The following CTNNA2 variants were observed in gnomAD, a reference collection of about 807,000 sequenced individuals.
CTNNA2 encodes catenin alpha-2.
A neutral mutation model predicts 101.0 loss-of-function variants in CTNNA2; 42 were observed. That is an observed-to-expected ratio of 0.42 (90% confidence interval 0.32 to 0.54). The LOEUF is 0.54. CTNNA2 is among the 20% of genes least tolerant of loss of function. The probability of loss-of-function intolerance (pLI) is 0.14; values close to 1 mark genes in which losing one functional copy is unlikely to be tolerated. For missense variants in CTNNA2, 871 were observed against 1,223.1 expected (o/e 0.71, Z 4.29); for synonymous variants, 450 against 456.4 (o/e 0.99, Z 0.18).
At chr2:79,783,610 T>G (rs7585209) in intron 3 of CTNNA2, among the ~76,000 whole-genome samples, 8,041 of 152,254 alleles carry the variant, frequency 0.053, 702 homozygotes, top group African/African-American at 0.18. Context: ...TCACTCTGTC[T>G]TAATTTTTAC....
chr2:79,427,145 G>A (rs1465430102), intron 4 of CTNNA2, among the ~76,000 whole-genome samples: 1 of 151,840 alleles, frequency 6.6e-6, no homozygotes, highest in African/African-American at 2.4e-5. Context: ...CCTGCTATAA[G>A]CAAATGAACA....
chr2:79,482,252 C>G (rs1156675477), intron 4 of CTNNA2, among the ~76,000 whole-genome samples: 4 of 152,152 alleles, frequency 2.6e-5, no homozygotes, highest in Non-Finnish European at 4.4e-5. Context: ...CATCAAGGGT[C>G]TCAAAGGATT....
rs79147045 is a variant in CTNNA2, at chr2:79,474,535, A to G, written c.-134-30519A>G. On this transcript the variant is annotated intron_variant, in intron 4 of 21. Transcript: ENST00000466387. ...AAGGGCCACAGAAATTTACACCACA[A>G]GGTAAAATTTACTGTACTTTAATTA... Among the ~76,000 whole-genome samples, 45 of 152,316 alleles carry G rather than the reference A, an allele frequency of 3.0e-4. 1 individual carries two copies. The East Asian group carries it at 7.7e-3, about 26-fold the overall frequency.
intron 3 of CTNNA2, among the ~76,000 whole-genome samples, chr2:79,328,916 ATAATTCCTTGGC>A (rs1369624514): frequency 6.6e-6 from 1 of 152,118 alleles, no homozygotes; most frequent in Non-Finnish European, 1.5e-5. Context: ...GTGCTTGCTG[ATAATTCCTTGGC>A]TTGTGACAAC....
At chr2:80,025,316 C>A (rs1291308245) in intron 7 of CTNNA2, among the ~76,000 whole-genome samples, 1 of 152,192 alleles carries the variant, frequency 6.6e-6, no homozygotes, top group Non-Finnish European at 1.5e-5. Flanking sequence ...CCCTCTTCTA[C>A]CCAGCATTCC....
chr2:79,581,279 A>G (rs550760727), intron 1 of CTNNA2, among the ~76,000 whole-genome samples: 1 of 152,308 alleles, frequency 6.6e-6, no homozygotes, highest in South Asian at 2.1e-4. Context: ...TAATCCCAGC[A>G]CTTTGGGAGG....
intron 4 of CTNNA2, among the ~76,000 whole-genome samples, chr2:79,466,731 T>C (rs553233121): frequency 6.6e-6 from 1 of 152,336 alleles, no homozygotes; most frequent in Non-Finnish European, 1.5e-5. Context: ...ATATTCACTG[T>C]ACTGCAGCCT....
chr2:79,380,189 C>G (rs1418036991), intron 4 of CTNNA2, among the ~76,000 whole-genome samples: 1 of 151,706 alleles, frequency 6.6e-6, no homozygotes, highest in Non-Finnish European at 1.5e-5. Flanking sequence ...GCCTCAGAGT[C>G]TTGTTTAGAG....
intron 18 of CTNNA2, among the ~76,000 whole-genome samples, chr2:80,636,935 A>G (rs1448527332): frequency 6.6e-6 from 1 of 152,188 alleles, no homozygotes; most frequent in East Asian, 1.9e-4. Context: ...CAGTAGTGCT[A>G]GAAAAGATAC....
chr2:80,570,176 G>A (rs1306232653), intron 12 of CTNNA2, among the ~76,000 whole-genome samples: 3 of 152,082 alleles, frequency 2.0e-5, no homozygotes, highest in Non-Finnish European at 4.4e-5. Context: ...AGCCTCTCGA[G>A]TAGCTGGGAT....
chr2:80,077,191 G>C (rs1386525830), intron 7 of CTNNA2, among the ~76,000 whole-genome samples: 1 of 152,092 alleles, frequency 6.6e-6, no homozygotes, highest in Non-Finnish European at 1.5e-5. Context: ...AACCTTCTTG[G>C]AAAACAGTTT....
intron 2 of CTNNA2, among the ~76,000 whole-genome samples, chr2:79,706,343 A>G (rs1249465943): frequency 7.6e-6 from 1 of 131,206 alleles, no homozygotes; most frequent in Non-Finnish European, 1.5e-5. Flanking sequence ...GCCCTGGGCG[A>G]CAGAGCGAGA....
At chr2:80,024,960 A>C (rs1484468) in intron 7 of CTNNA2, among the ~76,000 whole-genome samples, 9,033 of 152,158 alleles carry the variant, frequency 0.059, 780 homozygotes, top group African/African-American at 0.19. Context: ...TGGGTCTCAG[A>C]GGGAAGGGGA....
chr2:79,579,599 C>T (rs1316947566), intron 1 of CTNNA2, among the ~76,000 whole-genome samples: 1 of 152,002 alleles, frequency 6.6e-6, no homozygotes, highest in African/African-American at 2.4e-5. Context: ...TGCTCTTAAG[C>T]ACAAGTAAAG....
chr2:80,599,336 G>C (rs141716800), intron 15 of CTNNA2, among the ~76,000 whole-genome samples: 1 of 152,234 alleles, frequency 6.6e-6, no homozygotes, highest in Non-Finnish European at 1.5e-5. Flanking sequence ...ATGTCTGAAG[G>C]AGCTTTAGAA....
intron 2 of CTNNA2, among the ~76,000 whole-genome samples, chr2:79,222,149 CACCAGG>C (rs2104222921): frequency 6.6e-6 from 1 of 152,302 alleles, no homozygotes; most frequent in African/African-American, 2.4e-5. Flanking sequence ...TTAGACCCAG[CACCAGG>C]ACCAGGATTA....
At chr2:79,370,926 C>A (rs1443519456) in intron 3 of CTNNA2, among the ~76,000 whole-genome samples, 8 of 152,128 alleles carry the variant, frequency 5.3e-5, no homozygotes. Flanking sequence ...TCCCTGAGTG[C>A]CTCAACTCCA....
intron 7 of CTNNA2, among the ~76,000 whole-genome samples, chr2:80,075,598 A>ATTTTTAT (rs1558783298): frequency 1.4e-5 from 1 of 74,004 alleles, no homozygotes; most frequent in Admixed American, 1.4e-4. Context: ...GTATAAATAT[A>ATTTTTAT]AATATTTATA....
At chr2:79,597,554 A>T (rs113512729) in intron 1 of CTNNA2, among the ~76,000 whole-genome samples, 343 of 152,202 alleles carry the variant, frequency 2.3e-3, no homozygotes, top group African/African-American at 8.0e-3. Flanking sequence ...GCCGTGATAG[A>T]TCTGAAAGGA....
Sources: gnomAD v4.1 joint callset for allele counts (sites outside exome capture counted in the v4.1 genomes callset) on GRCh38, gnomAD v4.1.1 for gene constraint, MANE v1.5 for transcripts, NCBI Gene and HGNC (gene_info 2026-07-23, HGNC 2026-07-21) for gene names.